Variants in SRGAP3 observed in about 807,000 individuals in gnomAD.
The protein encoded by SRGAP3 is SLIT-ROBO Rho GTPase activating protein 3.
Under a neutral mutation model 121.1 loss-of-function variants are expected in SRGAP3, and 39 were observed. That is an observed-to-expected ratio of 0.32 (90% CI 0.25 to 0.42). SRGAP3 has a LOEUF of 0.42. Among genes scored for constraint, SRGAP3 ranks in the 10% least tolerant of loss-of-function variants. SRGAP3 has a pLI of 1.00. For synonymous variants in SRGAP3, 601 were observed against 570.0 expected (o/e 1.05, Z -0.77); for missense variants, 1,213 against 1,470.6 (o/e 0.82, Z 2.86).
intron 3 of SRGAP3, among the ~76,000 whole-genome samples, chr3:9,274,165 AT>A (rs1394826874): frequency 6.6e-6 from 1 of 152,214 alleles, no homozygotes; most frequent in Non-Finnish European, 1.5e-5. Flanking sequence ...CCCCAAAAAT[AT>A]GTGACCCAAT....
At chr3:9,321,647 C>T (rs766034962) in intron 3 of SRGAP3, among the ~76,000 whole-genome samples, 20 of 151,884 alleles carry the variant, frequency 1.3e-4, no homozygotes, top group East Asian at 3.9e-4. Context: ...TATGCAGCCA[C>T]GAAAAAGAAT....
rs1949697524 is a variant in SRGAP3, at chr3:9,137,231, G to A, written c.68-12314C>T. ...ATATGTACTATACCAAGTGAGCCAG[G>A]TTTTTACGCTCTGTCTTTCGCCACC... On this transcript the variant is annotated intron_variant, in intron 1 of 21. Transcript: ENST00000383836. Among the ~76,000 whole-genome samples the A allele has an allele frequency of 3.3e-5, 5 of 152,282 alleles. No individual in the cohort carries two copies. In the South Asian group the frequency reaches 8.3e-4, roughly 25 times the overall value.
chr3:9,299,547 T>A (rs1574983362), intron 3 of SRGAP3, among the ~76,000 whole-genome samples: 1 of 152,180 alleles, frequency 6.6e-6, no homozygotes, highest in East Asian at 1.9e-4. Flanking sequence ...GGTAGGCAAG[T>A]ACGTTTTTGG....
chr3:9,081,404 T>C (rs1947240290), intron 3 of SRGAP3: 1 of 391,378 alleles, frequency 2.6e-6, no homozygotes, highest in Admixed American at 3.1e-5. Context: ...CTGTGTGGCC[T>C]TGGAGAATCA....
At chr3:9,289,041 C>G (rs1356218439) in intron 3 of SRGAP3, among the ~76,000 whole-genome samples, 1 of 152,156 alleles carries the variant, frequency 6.6e-6, no homozygotes, top group East Asian at 1.9e-4. Context: ...GGACTACAGG[C>G]ATGCGCCATC....
intron 3 of SRGAP3, among the ~76,000 whole-genome samples, chr3:9,280,313 C>T (rs1954653488): frequency 2.0e-5 from 3 of 152,242 alleles, no homozygotes; most frequent in Admixed American, 2.0e-4. Context: ...TCATGTGTTG[C>T]ACACTCAAGG....
intron 1 of SRGAP3, among the ~76,000 whole-genome samples, chr3:9,332,784 G>A (rs1331488786): frequency 6.6e-6 from 1 of 152,148 alleles, no homozygotes; most frequent in African/African-American, 2.4e-5. Flanking sequence ...AAGACAGAAG[G>A]CAAGGGTCAT....
intron 2 of SRGAP3, among the ~76,000 whole-genome samples, chr3:9,112,000 G>A (rs1205060847): frequency 6.6e-6 from 1 of 152,222 alleles, no homozygotes; most frequent in Non-Finnish European, 1.5e-5. Context: ...TTGGCTAGGG[G>A]ATCTGGATAT....
chr3:9,089,258 T>C (rs1228669431), intron 3 of SRGAP3, among the ~76,000 whole-genome samples: 1 of 116,456 alleles, frequency 8.6e-6, no homozygotes, highest in African/African-American at 3.3e-5. Flanking sequence ...GGAACTGCTA[T>C]AAGTATTCCC....
rs774048794 is a variant in SRGAP3 at position 9,104,728 on chromosome 3, G to A, written c.375C>T (p.Ile125=). Reference sequence around the variant, plus strand: ...CCTCACTGATCTGGGAGAGGCGGACGATGACATTGTTCATGAAGATGTCAT... The same window carrying A: ...CCTCACTGATCTGGGAGAGGCGGACAATGACATTGTTCATGAAGATGTCAT... The part of the protein sequence containing the change: ...TLNDIFMNNV[I]VRLSQISEDV... Residue 125 remains isoleucine (I), a synonymous_variant, in exon 3 of 22, where the codon ATC becomes ATT. Transcript: ENST00000383836. 2.5e-5 allele frequency: 40 copies of A among 1,614,108 alleles called. No homozygotes were observed. Among genetic ancestry groups the A allele is most frequent in the South Asian group, 2.3e-4 (21 of 91,088 alleles).
chr3:9,238,480 C>A (rs372851050), intron 1 of SRGAP3, among the ~76,000 whole-genome samples: 4 of 152,110 alleles, frequency 2.6e-5, no homozygotes, highest in Admixed American at 2.6e-4. Context: ...CAGGATACCA[C>A]CCTTGTTCCC....
chr3:9,260,188 C>T (rs1422556911), intron 3 of SRGAP3, among the ~76,000 whole-genome samples: 3 of 152,176 alleles, frequency 2.0e-5, no homozygotes, highest in African/African-American at 7.2e-5. Context: ...GCCTACACCA[C>T]CAGGGCCCTG....
chr3:9,109,372 T>C lies in SRGAP3; in HGVS notation c.261-4530A>G, dbSNP rs977634705. Among the ~76,000 whole-genome samples, 3 of 152,142 alleles carry C rather than the reference T, an allele frequency of 2.0e-5. No individual in the cohort carries two copies. Among genetic ancestry groups the C allele is most frequent in the Non-Finnish European group, 4.4e-5 (3 of 68,028 alleles). ...GGCAGAGAGCACAGCGCTGTCCTTA[T>C]CAGAAGCTGCAAGCCAGGAGGCAGT... On this transcript the variant is annotated intron_variant, in intron 2 of 21. Coordinates refer to ENST00000383836, the MANE Select transcript of SRGAP3 (RefSeq NM_014850.4). The surrounding 1 kb of genome is among the most constrained non-coding windows in gnomAD (Gnocchi z 4.4).
intron 3 of SRGAP3, among the ~76,000 whole-genome samples, chr3:9,318,390 G>A (rs1394064066): frequency 6.6e-6 from 1 of 151,590 alleles, no homozygotes; most frequent in African/African-American, 2.4e-5. Flanking sequence ...CCTCTCTCTG[G>A]GGCTGGCTGT....
rs185833111 is a variant in SRGAP3 at position 9,069,706 on chromosome 3, T to C, written c.487-5125A>G. Among the ~76,000 whole-genome samples, 166 of 152,296 alleles carry C rather than the reference T, an allele frequency of 1.1e-3. 1 individual carries two copies. Among genetic ancestry groups the C allele is most frequent in the East Asian group, 6.7e-3 (35 of 5,186 alleles). On this transcript the variant is annotated intron_variant, in intron 4 of 21. Transcript: ENST00000383836. ...GCTCATGCCTGTAATCCCAGCCCTT[T>C]GGGAGGCCAAGGCGGGCAGATCACA...
At chr3:9,181,407 T>C (rs1043254376) in intron 1 of SRGAP3, among the ~76,000 whole-genome samples, 6 of 152,362 alleles carry the variant, frequency 3.9e-5, no homozygotes, top group African/African-American at 9.6e-5. Context: ...TATCTCACCG[T>C]TCTGTAGCTC....
intron 3 of SRGAP3, among the ~76,000 whole-genome samples, chr3:9,092,686 G>A (rs1947806143): frequency 6.6e-6 from 1 of 152,154 alleles, no homozygotes; most frequent in Non-Finnish European, 1.5e-5. Flanking sequence ...TCTAAAACAT[G>A]AAAACTCTTC....
intron 1 of SRGAP3, among the ~76,000 whole-genome samples, chr3:9,138,860 T>C (rs1471619690): frequency 6.6e-6 from 1 of 152,252 alleles, no homozygotes; most frequent in Admixed American, 6.5e-5. Context: ...TTATTATGAA[T>C]GGGCAAATAT....
At chr3:9,308,828 C>A (rs959950059) in intron 3 of SRGAP3, among the ~76,000 whole-genome samples, 7 of 152,158 alleles carry the variant, frequency 4.6e-5, no homozygotes. Context: ...CCTGGCCTCT[C>A]CTCCACCCCA....
Sources: allele counts gnomAD v4.1 joint callset (sites outside exome capture counted in the v4.1 genomes callset), GRCh38; gene constraint gnomAD v4.1.1; non-coding constraint Gnocchi (gnomAD v3.1); transcripts MANE v1.5; gene names NCBI Gene and HGNC (gene_info 2026-07-23, HGNC 2026-07-21).